Variants in KIF21A observed in about 807,000 individuals in gnomAD.
KIF21A encodes the protein kinesin family member 21A, also known as kinesin-like protein KIF21A.
KIF21A carries 114 observed loss-of-function variants against 202.9 expected under a neutral mutation model. That is an observed-to-expected ratio of 0.56 (90% confidence interval 0.48 to 0.66). The LOEUF (loss-of-function observed/expected upper bound fraction) is 0.66, where lower values mean the gene tolerates loss of function less well. KIF21A is among the 30% of genes least tolerant of loss of function. The pLI, the probability that KIF21A is intolerant of heterozygous loss-of-function variation, is 0.00. For synonymous variants in KIF21A, 667 were observed against 670.8 expected (o/e 0.99, Z 0.09); for missense variants, 1,677 against 1,994.9 (o/e 0.84, Z 3.04).
intron 1 of KIF21A, among the ~76,000 whole-genome samples, chr12:39,416,813 G>GTATA (rs531554239): frequency 0.07 from 6,894 of 98,642 alleles, 1,164 homozygotes; most frequent in African/African-American, 0.25. Flanking sequence ...ATATATATGT[G>GTATA]TGTATATATG....
intron 1 of KIF21A, among the ~76,000 whole-genome samples, chr12:39,429,083 A>AT (rs1247268265): frequency 3.9e-5 from 6 of 152,292 alleles, no homozygotes; most frequent in Admixed American, 3.9e-4. Flanking sequence ...CCTTGTTGGT[A>AT]TAAGTAGAGG....
chr12:39,322,786 G>A lies in KIF21A; in HGVS notation c.3553C>T (p.Pro1185Ser). The A allele has an allele frequency of 6.2e-7, 1 of 1,613,964 alleles. No individual in the cohort carries two copies. ...TGCCCTTCTGCAACAGGTGTGAGAG[G>A]GCCAGGCAAGGAGGCATCTCCTGTA... ...TSTGDASLPGPLTPVAEGQEI... is the reference protein window; with the variant it reads ...TSTGDASLPGSLTPVAEGQEI... The change falls in exon 27 of 38, where the codon CCT (proline) becomes TCT (serine). Residue 1185 changes from proline to serine, a missense_variant. By Grantham distance (74) the Pro-to-Ser change is moderately conservative. Coordinates refer to ENST00000361418, the MANE Select transcript of KIF21A (RefSeq NM_001173464.2).
At chr12:39,394,474 G>A (rs2139712858) in intron 1 of KIF21A, among the ~76,000 whole-genome samples, 1 of 152,210 alleles carries the variant, frequency 6.6e-6, no homozygotes, top group South Asian at 2.1e-4. Flanking sequence ...CACTGACATA[G>A]CACATGCTAT....
At chr12:39,346,349 G>C (rs956107197) in intron 12 of KIF21A, 117 bp downstream of exon 12, 3 of 541,858 alleles carry the variant, frequency 5.5e-6, no homozygotes, top group Non-Finnish European at 2.8e-6. Flanking sequence ...ATTACTTTTA[G>C]GAGCAGCCCA....
intron 35 of KIF21A, 67 bp from the exon 36 acceptor site, chr12:39,303,202 C>A: frequency 7.5e-7 from 1 of 1,327,218 alleles, no homozygotes; most frequent in Non-Finnish European, 1.1e-6. Context: ...TTTGTACAGT[C>A]CTAGAAACAC....
chr12:39,440,651 A>G (rs1217856068), intron 1 of KIF21A, among the ~76,000 whole-genome samples: 1 of 152,228 alleles, frequency 6.6e-6, no homozygotes, highest in Non-Finnish European at 1.5e-5. Flanking sequence ...AAAGTGCTAT[A>G]TGAGTATAAG....
chr12:39,439,993 G>A (rs141954111), intron 1 of KIF21A, among the ~76,000 whole-genome samples: 1,748 of 152,118 alleles, frequency 0.011, 8 homozygotes, highest in Non-Finnish European at 0.017. Context: ...AAAAAAGCAG[G>A]TCAAATGCTT....
intron 24 of KIF21A, 141 bp downstream of exon 24, chr12:39,330,101 G>T: frequency 1.4e-6 from 1 of 725,078 alleles, no homozygotes; most frequent in Non-Finnish European, 2.5e-6. Flanking sequence ...TTGTGGGCAT[G>T]GATACATTTC....
At position 39,307,607 on chromosome 12, in the gene KIF21A, T is replaced by A. The variant is rs1300196237; in HGVS notation, c.4400A>T (p.Tyr1467Phe). The A allele has an allele frequency of 2.5e-6, 4 of 1,614,028 alleles. No individual in the cohort carries two copies. The South Asian group carries it at 4.4e-5, about 18-fold the overall frequency. ...CCTGACAGCATTTCCAGAAGCAGCA[T>A]AGAGGAAGGTGCCAGTTGGGTTTAG... ...IALNPTGTFL[Y>F]AASGNAVRMW... The change falls in exon 34 of 38, where the codon TAT becomes TTT. Residue 1467 changes from tyrosine to phenylalanine, a missense_variant. Transcript: ENST00000361418.
In KIF21A at chr12:39,304,947, A is replaced by G; in HGVS notation, c.4443-9T>C. The G allele has an allele frequency of 7.8e-7, 1 of 1,289,080 alleles. No homozygotes were observed. Among genetic ancestry groups the G allele is most frequent in the South Asian group, 1.2e-5 (1 of 83,194 alleles). 79.9% of individuals were successfully genotyped at this position (1,289,080 alleles called of 1,614,324 possible). On this transcript the variant is annotated splice_polypyrimidine_tract_variant and intron_variant, in intron 34 of 37. Coordinates refer to ENST00000361418, the MANE Select transcript of KIF21A (RefSeq NM_001173464.2). ...TTCCTGTAGACTGAAACCTTTAAAA[A>G]TAAAGAAAAATAGTTTTGTTTAAAA...
chr12:39,443,037 G>T lies in KIF21A; in HGVS notation c.-67C>A. 6.8e-7 allele frequency: 1 copy of T among 1,474,194 alleles called. No homozygotes were observed. The highest frequency in any genetic ancestry group is 9.0e-7 in the Non-Finnish European group (1 of 1,114,744). 91.3% of individuals were successfully genotyped at this position (1,474,194 alleles called of 1,614,324 possible). A position where few individuals can be genotyped will look rare whatever the true frequency, so the allele number is the denominator to read the frequency against. ...GCAGAGCTGAGGCGCCACTGGGGCC[G>T]CGGGACTCGGGCGCAGTAGGCTGGG... is the stretch of plus-strand genomic sequence containing the variant. On this transcript the variant is annotated 5_prime_UTR_variant, in exon 1 of 38. Coordinates refer to ENST00000361418, the MANE Select transcript of KIF21A (RefSeq NM_001173464.2).
intron 31 of KIF21A, among the ~76,000 whole-genome samples, chr12:39,313,846 C>T (rs976207725): frequency 6.6e-6 from 1 of 151,670 alleles, no homozygotes; most frequent in Non-Finnish European, 1.5e-5. Context: ...TTAGATGTCC[C>T]ATTTTAAGAA....
At chr12:39,297,944 A>G (rs1031537877) in intron 37 of KIF21A, among the ~76,000 whole-genome samples, 1 of 150,850 alleles carries the variant, frequency 6.6e-6, no homozygotes, top group African/African-American at 2.4e-5. Context: ...AAAGAAAAGA[A>G]AAGATCAGGA....
In KIF21A at chr12:39,298,379, C is replaced by A. The variant is rs141546904; in HGVS notation, c.4931+3101G>T. Among the ~76,000 whole-genome samples, 500 of 152,288 alleles carry A rather than the reference C, an allele frequency of 3.3e-3. 3 individuals carry two copies. The highest frequency in any genetic ancestry group is 0.024 in the Middle Eastern group (7 of 294). On this transcript the variant is annotated intron_variant, in intron 37 of 37. Coordinates refer to ENST00000361418, the MANE Select transcript of KIF21A (RefSeq NM_001173464.2). ...TAAGTTGTACATGAGTAGAGTGCAA[C>A]TATAAGGTCAGACAGCAAACAGCTA... is the stretch of plus-strand genomic sequence containing the variant.
chr12:39,345,452 G>T (rs1018969832), intron 12 of KIF21A, among the ~76,000 whole-genome samples: 7 of 151,600 alleles, frequency 4.6e-5, no homozygotes. Flanking sequence ...TGGGCTTATG[G>T]CATGTAAGTA....
At chr12:39,340,802 A>AGG in intron 15 of KIF21A, 104 bp downstream of exon 15, 2 of 794,572 alleles carry the variant, frequency 2.5e-6, no homozygotes, top group Non-Finnish European at 4.0e-6. Flanking sequence ...AATAACAAAA[A>AGG]AGGGTTTAAT....
chr12:39,327,997 T>TA (rs1946122647), intron 24 of KIF21A, among the ~76,000 whole-genome samples: 1 of 152,232 alleles, frequency 6.6e-6, no homozygotes, highest in Admixed American at 6.5e-5. Flanking sequence ...GTTATTCTTT[T>TA]AAAAAGTTTT....
In KIF21A at chr12:39,294,382, T is replaced by C; in HGVS notation, c.*42A>G. 1 of 1,386,996 alleles carries C rather than the reference T, an allele frequency of 7.2e-7. No individual in the cohort carries two copies. The highest frequency in any genetic ancestry group is 1.4e-5 in the African/African-American group (1 of 70,756). The allele number at this position is 1,386,996 out of a possible 1,614,324, so 85.9% of individuals were successfully genotyped here. On this transcript the variant is annotated 3_prime_UTR_variant, in exon 38 of 38. Transcript: ENST00000361418. ...AACATTTTCCATAAAGAATACAGAG[T>C]ATTATCACAGCATTCAGTTTACAAC... is the stretch of plus-strand genomic sequence containing the variant.
chr12:39,331,608 A>C, intron 22 of KIF21A, 82 bp downstream of exon 22: 1 of 904,888 alleles, frequency 1.1e-6, no homozygotes, highest in Non-Finnish European at 1.9e-6. Context: ...TACAAAGCAA[A>C]GGGTTACTAC....
Sources: allele counts gnomAD v4.1 joint callset (sites outside exome capture counted in the v4.1 genomes callset), GRCh38; gene constraint gnomAD v4.1.1; transcripts MANE v1.5; gene names NCBI Gene and HGNC (gene_info 2026-07-23, HGNC 2026-07-21).